CENPK: variants seen among roughly 807,000 people sequenced by gnomAD.
The protein encoded by CENPK is centromere protein K, also known as SoxLZ/Sox6-binding protein Solt.
In CENPK, 46 loss-of-function variants were observed where a neutral mutation model predicts 40.9. The observed-to-expected ratio is 1.13, with a 90% CI of 0.89 to 1.44. The LOEUF is 1.44. Ranked by LOEUF, CENPK falls within the 40% of genes most tolerant of loss-of-function variation. The pLI, the probability that CENPK is intolerant of heterozygous loss-of-function variation, is 0.00. For synonymous variants in CENPK, 107 were observed against 104.4 expected (o/e 1.02, Z -0.15); for missense variants, 288 against 303.5 (o/e 0.95, Z 0.38).
At chr5:65,511,317 G>C in the CENPK span, among the ~76,000 whole-genome samples, 1 of 152,240 alleles carries the variant, frequency 6.6e-6, no homozygotes, top group African/African-American at 2.4e-5. Flanking sequence ...ATCTAGCTAA[G>C]ATATTGATGA....
At chr5:65,529,047 T>A (rs1338506737) in intron 7 of CENPK, 30 bp from the exon 8 acceptor site, 9 of 1,556,092 alleles carry the variant, frequency 5.8e-6, no homozygotes, top group Middle Eastern at 1.7e-4. Flanking sequence ...ATACAAGCAA[T>A]ATCTAAATAA....
the CENPK span, among the ~76,000 whole-genome samples, chr5:65,508,208 T>A: frequency 6.6e-6 from 1 of 152,214 alleles, no homozygotes; most frequent in Non-Finnish European, 1.5e-5. Context: ...TTCTGAATTT[T>A]CACCCACTAA....
the CENPK span, among the ~76,000 whole-genome samples, chr5:65,496,490 A>G: frequency 1.3e-5 from 2 of 152,232 alleles, no homozygotes; most frequent in Non-Finnish European, 2.9e-5. Context: ...GAAAAATACA[A>G]CAAAGAGTAA....
chr5:65,528,406 A>C, intron 9 of CENPK, 46 bp downstream of exon 9: 1 of 1,542,660 alleles, frequency 6.5e-7, no homozygotes, highest in Non-Finnish European at 8.7e-7. Context: ...CACCTAAAAT[A>C]ATTTCAAATA....
At chr5:65,560,973 T>TA (rs1379976460) in intron 2 of CENPK, 1 of 152,222 alleles carries the variant, frequency 6.6e-6, no homozygotes, top group Non-Finnish European at 1.5e-5. Context: ...TCTGTTTTGA[T>TA]ATTTAAAAGC....
Position 65,551,347 on chromosome 5 carries a change from A to G in CENPK, c.241+217T>C, listed in dbSNP as rs1561684809. On this transcript the variant is annotated intron_variant, in intron 5 of 10. Transcript: ENST00000396679. ...ACATAATAGCTATAATAACGTCTCCATAATCAAGCTTATTATAATCTAATG... is the reference window on the plus strand; with the variant it reads ...ACATAATAGCTATAATAACGTCTCCGTAATCAAGCTTATTATAATCTAATG... 8.5e-6 allele frequency: 4 copies of G among 470,626 alleles called. No individual in the cohort carries two copies. In the East Asian group the frequency reaches 1.5e-4, roughly 18 times the overall value. 29.2% of individuals were successfully genotyped at this position (470,626 alleles called of 1,614,324 possible).
At chr5:65,519,474 A>G (rs540328018) in intron 10 of CENPK, among the ~76,000 whole-genome samples, 2 of 152,306 alleles carry the variant, frequency 1.3e-5, no homozygotes, top group South Asian at 2.1e-4. Context: ...ACAAATTACA[A>G]AAGTAGAACT....
chr5:65,495,970 T>C, the CENPK span, among the ~76,000 whole-genome samples: 1 of 152,176 alleles, frequency 6.6e-6, no homozygotes, highest in African/African-American at 2.4e-5. Flanking sequence ...ATCAAGAGCC[T>C]TAGTGGCCAG....
At chr5:65,503,636 A>G in the CENPK span, among the ~76,000 whole-genome samples, 1 of 151,906 alleles carries the variant, frequency 6.6e-6, no homozygotes, top group Non-Finnish European at 1.5e-5. Context: ...ATTATCTTTA[A>G]GATACTTTTT....
the CENPK span, among the ~76,000 whole-genome samples, chr5:65,511,910 G>C: frequency 6.6e-6 from 1 of 152,126 alleles, no homozygotes; most frequent in African/African-American, 2.4e-5. Context: ...GGATTTTCAA[G>C]TACATTGAAA....
rs749111718 is a variant in CENPK at position 65,554,816 on chromosome 5, A to G, written c.92T>C (p.Met31Thr). 1 of 1,572,772 alleles carries G rather than the reference A, an allele frequency of 6.4e-7. No individual in the cohort carries two copies. The highest frequency in any genetic ancestry group is 1.1e-5 in the South Asian group (1 of 90,080). The change falls in exon 3 of 11, where the codon ATG becomes ACG. Residue 31 changes from methionine to threonine, a missense_variant. Transcript: ENST00000396679. The stretch of plus-strand genomic sequence containing the variant: ...ACTTACTTCTTCCATATCTTTCCAC[A>G]TTTCTTCACATTCTCTAATAAGTTC... ...EEELIRECEE[M>T]WKDMEECQNK...
At chr5:65,525,270 C>T (rs1744481794) in intron 9 of CENPK, among the ~76,000 whole-genome samples, 1 of 151,932 alleles carries the variant, frequency 6.6e-6, no homozygotes, top group African/African-American at 2.4e-5. Flanking sequence ...GAGGCTGAGG[C>T]AGGAGAATCA....
chr5:65,533,304 C>T (rs1331975973), intron 6 of CENPK, among the ~76,000 whole-genome samples: 2 of 149,692 alleles, frequency 1.3e-5, no homozygotes, highest in Non-Finnish European at 2.9e-5. Flanking sequence ...GAACTGAGAT[C>T]GTGCCATTGC....
chr5:65,510,818 CATTA>C, the CENPK span, among the ~76,000 whole-genome samples: 89 of 151,674 alleles, frequency 5.9e-4, no homozygotes, highest in Non-Finnish European at 7.8e-4. Context: ...TTACGCAATT[CATTA>C]ATTAATGGAG....
intron 9 of CENPK, among the ~76,000 whole-genome samples, chr5:65,525,018 C>T (rs967080051): frequency 4.6e-5 from 7 of 152,006 alleles, no homozygotes; most frequent in Non-Finnish European, 1.0e-4. Context: ...AATATTTATC[C>T]GAGTTCAACT....
At chr5:65,547,043 GAGA>G (rs1350483157) in intron 5 of CENPK, among the ~76,000 whole-genome samples, 7 of 152,006 alleles carry the variant, frequency 4.6e-5, no homozygotes, top group African/African-American at 1.5e-4. Context: ...ATAAAAACAG[GAGA>G]AGAAGATATA....
chr5:65,507,270 A>G, the CENPK span, among the ~76,000 whole-genome samples: 7 of 152,202 alleles, frequency 4.6e-5, no homozygotes, highest in Non-Finnish European at 1.0e-4. Context: ...AATTTCTCCA[A>G]AGTTCCTCAG....
intron 6 of CENPK, among the ~76,000 whole-genome samples, chr5:65,532,479 G>A (rs1483358923): frequency 1.3e-5 from 2 of 152,018 alleles, no homozygotes; most frequent in South Asian, 2.1e-4. Context: ...TATTCCTCAT[G>A]AACACAGAAG....
chr5:65,550,018 A>AG (rs1749690689), intron 5 of CENPK, among the ~76,000 whole-genome samples: 2 of 151,938 alleles, frequency 1.3e-5, no homozygotes, highest in African/African-American at 4.8e-5. Flanking sequence ...AAATACAAAA[A>AG]TTAGCTGGGT....
Sources: allele counts gnomAD v4.1 joint callset (sites outside exome capture counted in the v4.1 genomes callset), GRCh38; gene constraint gnomAD v4.1.1; transcripts MANE v1.5; gene names NCBI Gene and HGNC (gene_info 2026-07-23, HGNC 2026-07-21).